KCTD16: variants seen among roughly 807,000 people sequenced by gnomAD.
The protein encoded by KCTD16 is potassium channel tetramerization domain containing 16.
In KCTD16, 13 loss-of-function variants were observed where a neutral mutation model predicts 33.2. The observed-to-expected ratio is 0.39, with a 90% CI of 0.25 to 0.62. The LOEUF is 0.62. KCTD16 is among the 20% of genes least tolerant of loss of function. KCTD16 has a pLI of 0.50. For missense variants in KCTD16, 441 were observed against 525.1 expected, an observed-to-expected ratio of 0.84 and a Z score of 1.57; for synonymous variants, 197 against 195.3, an observed-to-expected ratio of 1.01 and a Z score of -0.07.
chr5:144,237,898 T>G (rs1197798271), intron 3 of KCTD16, among the ~76,000 whole-genome samples: 2 of 151,766 alleles, frequency 1.3e-5, no homozygotes, highest in Admixed American at 1.3e-4. Flanking sequence ...TATTGAAGTG[T>G]GTGGAAGAGT....
rs531116252 is a variant in KCTD16, at chr5:144,200,033, A to G, written c.-326-6356A>G. Among the ~76,000 whole-genome samples the G allele has an allele frequency of 2.6e-5, 4 of 152,302 alleles. No individual in the cohort carries two copies. In the East Asian group the frequency reaches 7.7e-4, roughly 29 times the overall value. ...GTGACTTCACATCTGTACCTACTAC[A>G]GAAATGTATACTTGCGTACACACTC... is the stretch of plus-strand genomic sequence containing the variant. On this transcript the variant is annotated intron_variant, in intron 2 of 3. Transcript: ENST00000512467.
intron 3 of KCTD16, among the ~76,000 whole-genome samples, chr5:144,314,896 T>C (rs1176103247): frequency 6.6e-6 from 1 of 152,150 alleles, no homozygotes; most frequent in Non-Finnish European, 1.5e-5. Context: ...TATTTACTCC[T>C]CAGTCTCACT....
intron 3 of KCTD16, among the ~76,000 whole-genome samples, chr5:144,302,060 A>G (rs2126871186): frequency 6.6e-6 from 1 of 152,310 alleles, no homozygotes; most frequent in South Asian, 2.1e-4. Context: ...TCCCCTTTTA[A>G]AAATGAGAAG....
intron 3 of KCTD16, among the ~76,000 whole-genome samples, chr5:144,234,224 A>G (rs1232031573): frequency 1.3e-5 from 2 of 152,150 alleles, no homozygotes; most frequent in African/African-American, 2.4e-5. Context: ...AAGTCAAGAC[A>G]AATTGTTCAA....
chr5:144,248,389 C>T (rs535060377), intron 3 of KCTD16, among the ~76,000 whole-genome samples: 3 of 152,220 alleles, frequency 2.0e-5, no homozygotes, highest in South Asian at 4.1e-4. Context: ...CCAAGAAGGC[C>T]GGTGTGGATG....
Position 144,474,137 on chromosome 5 carries a change from G to GAAA in KCTD16, c.*31_*33dup. 7.3e-7 allele frequency: 1 copy of GAAA among 1,360,684 alleles called. No homozygotes were observed. Among genetic ancestry groups the GAAA allele is most frequent in the Non-Finnish European group, 9.9e-7 (1 of 1,011,830 alleles). 84.3% of individuals were successfully genotyped at this position (1,360,684 alleles called of 1,614,324 possible). On this transcript the variant is annotated 3_prime_UTR_variant, in exon 4 of 4. Transcript: ENST00000512467. ...TAAGGGAGGGCTGGGGGCGGGAAAA[G>GAAA]AAAAAAAAAAGTCATTTTGAAATTA...
At chr5:144,450,373 A>G (rs536727517) in intron 3 of KCTD16, among the ~76,000 whole-genome samples, 13 of 152,194 alleles carry the variant, frequency 8.5e-5, no homozygotes, top group Admixed American at 2.0e-4. Flanking sequence ...TGCAACAGCT[A>G]TAGAAAACAA....
intron 3 of KCTD16, among the ~76,000 whole-genome samples, chr5:144,401,208 A>C (rs972116268): frequency 6.6e-6 from 1 of 152,188 alleles, no homozygotes; most frequent in Non-Finnish European, 1.5e-5. Flanking sequence ...TGTTGATTTT[A>C]ATTTAATTAC....
chr5:144,392,596 G>A (rs967661362), intron 3 of KCTD16, among the ~76,000 whole-genome samples: 2 of 152,166 alleles, frequency 1.3e-5, no homozygotes, highest in African/African-American at 4.8e-5. Flanking sequence ...GGATGGCTGC[G>A]GTTGGCCTTG....
chr5:144,191,575 C>T (rs751029540), intron 2 of KCTD16, among the ~76,000 whole-genome samples: 85 of 152,108 alleles, frequency 5.6e-4, no homozygotes, highest in Non-Finnish European at 1.0e-3. Flanking sequence ...ATGATATTTC[C>T]TCTCATTCCT....
At chr5:144,229,606 G>A (rs547213221) in intron 3 of KCTD16, among the ~76,000 whole-genome samples, 16 of 152,244 alleles carry the variant, frequency 1.1e-4, no homozygotes, top group Non-Finnish European at 2.4e-4. Context: ...GAAAAGCTGA[G>A]GCTAAGAGTT....
At chr5:144,230,422 T>C (rs1754067807) in intron 3 of KCTD16, among the ~76,000 whole-genome samples, 1 of 152,176 alleles carries the variant, frequency 6.6e-6, no homozygotes, top group Non-Finnish European at 1.5e-5. Flanking sequence ...AAGATGGAAA[T>C]CTTTAGGCAT....
chr5:144,258,030 C>G (rs919066691), intron 3 of KCTD16, among the ~76,000 whole-genome samples: 24 of 152,158 alleles, frequency 1.6e-4, no homozygotes, highest in African/African-American at 4.6e-4. Flanking sequence ...TTCAATTTCA[C>G]CAACATTGAT....
chr5:144,352,135 C>G (rs1165107191), intron 3 of KCTD16, among the ~76,000 whole-genome samples: 1 of 152,086 alleles, frequency 6.6e-6, no homozygotes, highest in Non-Finnish European at 1.5e-5. Context: ...TTGTATACAT[C>G]ACTATATGCT....
intron 3 of KCTD16, among the ~76,000 whole-genome samples, chr5:144,355,666 A>G (rs1751553889): frequency 6.6e-6 from 1 of 152,024 alleles, no homozygotes; most frequent in Non-Finnish European, 1.5e-5. Context: ...TTCTTTTTTT[A>G]GCCTACCATT....
chr5:144,191,324 A>C (rs1164258919), intron 2 of KCTD16, among the ~76,000 whole-genome samples: 3 of 152,052 alleles, frequency 2.0e-5, no homozygotes, highest in African/African-American at 7.2e-5. Context: ...ACTCACAATG[A>C]CTACTTAGTG....
intron 3 of KCTD16, among the ~76,000 whole-genome samples, chr5:144,290,688 C>G (rs369550376): frequency 6.6e-6 from 1 of 152,140 alleles, no homozygotes; most frequent in Admixed American, 6.5e-5. Context: ...TGTAACATAG[C>G]CAAGACATTT....
chr5:144,246,446 C>A (rs977412751), intron 3 of KCTD16, among the ~76,000 whole-genome samples: 2 of 152,044 alleles, frequency 1.3e-5, no homozygotes, highest in African/African-American at 4.8e-5. Context: ...TGGGAATATC[C>A]AAACAATAGA....
intron 3 of KCTD16, among the ~76,000 whole-genome samples, chr5:144,243,535 T>C (rs1193797934): frequency 6.6e-6 from 1 of 152,208 alleles, no homozygotes; most frequent in Non-Finnish European, 1.5e-5. Context: ...TTTTCTCTTC[T>C]TCTGTGTGGC....
Sources: allele counts gnomAD v4.1 joint callset (sites outside exome capture counted in the v4.1 genomes callset), GRCh38; gene constraint gnomAD v4.1.1; transcripts MANE v1.5; gene names NCBI Gene and HGNC (gene_info 2026-07-23, HGNC 2026-07-21).